Variants in DSCAM observed in about 807,000 individuals in gnomAD.
The protein encoded by DSCAM is DS cell adhesion molecule, also known as cell adhesion molecule DSCAM.
In DSCAM, 47 loss-of-function variants were observed where a neutral mutation model predicts 217.7. The ratio of observed to expected loss-of-function variants is 0.22; its 90% confidence interval spans 0.17 to 0.28. DSCAM has a LOEUF of 0.28. Ranked by LOEUF, DSCAM falls within the 10% of genes least tolerant of loss-of-function variation. The pLI is 1.00. For missense variants in DSCAM, 2,080 were observed against 2,618.3 expected (o/e 0.79, Z 4.49); for synonymous variants, 1,056 against 1,015.3 (o/e 1.04, Z -0.76).
intron 32 of DSCAM, among the ~76,000 whole-genome samples, chr21:40,041,016 GC>G (rs1221126298): frequency 6.6e-5 from 10 of 152,112 alleles, no homozygotes; most frequent in African/African-American, 2.4e-4. Context: ...AATAAAGGAA[GC>G]CATCATTCTT....
At chr21:40,659,325 T>A (rs139867349) in intron 3 of DSCAM, among the ~76,000 whole-genome samples, 6 of 152,202 alleles carry the variant, frequency 3.9e-5, no homozygotes, top group Non-Finnish European at 5.9e-5. Flanking sequence ...AAACATCCTC[T>A]GTTCACACCT....
intron 3 of DSCAM, among the ~76,000 whole-genome samples, chr21:40,595,516 G>C (rs73368905): frequency 0.035 from 5,234 of 149,486 alleles, 247 homozygotes; most frequent in African/African-American, 0.11. Flanking sequence ...TCGAAGGTGT[G>C]CAAAAGACTC....
intron 11 of DSCAM, among the ~76,000 whole-genome samples, chr21:40,258,098 A>T (rs2073398770): frequency 6.6e-6 from 1 of 152,242 alleles, no homozygotes; most frequent in Admixed American, 6.5e-5. Context: ...TGAGCCACAG[A>T]AAACATGGCA....
In DSCAM at chr21:40,075,133, T is replaced by A; in HGVS notation, c.4792A>T (p.Thr1598Ser). 1 of 1,614,184 alleles carries A rather than the reference T, an allele frequency of 6.2e-7. No individual in the cohort carries two copies. Among genetic ancestry groups the A allele is most frequent in the Middle Eastern group, 1.6e-4 (1 of 6,062 alleles). ...TTNEGLKMLV[T>S]ISCILVGVLL... ...ACCCCCACCAGGATACAGGAGATGG[T>A]CACCAGCATCTTGAGCCCCTCGTTG... The change falls in exon 27 of 33, where the codon ACC becomes TCC. Residue 1598 changes from threonine to serine, a missense_variant. Physicochemically the swap from Thr to Ser is moderately conservative, Grantham distance 58 (BLOSUM62 1). Transcript: ENST00000400454.
chr21:40,490,420 T>C (rs897780312), intron 3 of DSCAM, among the ~76,000 whole-genome samples: 1 of 152,236 alleles, frequency 6.6e-6, no homozygotes, highest in African/African-American at 2.4e-5. Context: ...GTTCACACAG[T>C]ATATTTTCAT....
intron 3 of DSCAM, among the ~76,000 whole-genome samples, chr21:40,590,250 T>C (rs190442656): frequency 1.3e-5 from 2 of 152,374 alleles, no homozygotes; most frequent in Admixed American, 6.5e-5. Context: ...TAACATGATA[T>C]GGACAATGGC....
intron 11 of DSCAM, among the ~76,000 whole-genome samples, chr21:40,203,968 T>C (rs1300119487): frequency 6.6e-6 from 1 of 152,224 alleles, no homozygotes; most frequent in Admixed American, 6.5e-5. Context: ...AAATGAAATA[T>C]TAATGAATTT....
intron 3 of DSCAM, chr21:40,630,632 A>G (rs1269508996): frequency 6.6e-6 from 1 of 152,124 alleles, no homozygotes; most frequent in Non-Finnish European, 1.5e-5. Flanking sequence ...AAATAAATAA[A>G]AGTTCAGTGT....
rs78097432 is a variant in DSCAM, at chr21:40,801,052, A to C, written c.43+45567T>G. ...CTGCAACCTCCGCCTTCAGATTTCA[A>C]GTGATTCTCCTGCCTCAGCCTCCCA... On this transcript the variant is annotated intron_variant, in intron 1 of 32. Coordinates refer to ENST00000400454, the MANE Select transcript of DSCAM (RefSeq NM_001389.5). Among the ~76,000 whole-genome samples the C allele has an allele frequency of 8.4e-3, 1,278 of 151,490 alleles. 84 individuals are homozygous for C. In the East Asian group the frequency reaches 0.18, roughly 21 times the overall value.
At chr21:40,577,206 T>C (rs2076858451) in intron 3 of DSCAM, among the ~76,000 whole-genome samples, 1 of 150,956 alleles carries the variant, frequency 6.6e-6, no homozygotes, top group Non-Finnish European at 1.5e-5. Context: ...ATGGAGAAAT[T>C]TGAAAATATA....
chr21:40,114,607 A>G (rs1435384370), intron 20 of DSCAM, among the ~76,000 whole-genome samples: 1 of 152,194 alleles, frequency 6.6e-6, no homozygotes, highest in East Asian at 1.9e-4. Flanking sequence ...AAAAGAGACT[A>G]CCATCAGCGT....
intron 3 of DSCAM, among the ~76,000 whole-genome samples, chr21:40,385,573 C>T (rs894816096): frequency 1.3e-5 from 2 of 152,152 alleles, no homozygotes; most frequent in Non-Finnish European, 2.9e-5. Context: ...ATATGTATTG[C>T]ATTGACAGAA....
chr21:40,582,391 T>G (rs1167027542), intron 3 of DSCAM, among the ~76,000 whole-genome samples: 1 of 152,090 alleles, frequency 6.6e-6, no homozygotes, highest in Non-Finnish European at 1.5e-5. Context: ...AATATACAAA[T>G]AAACACATAC....
chr21:40,139,961 G>T (rs553227660), intron 18 of DSCAM, among the ~76,000 whole-genome samples: 8 of 150,398 alleles, frequency 5.3e-5, no homozygotes, highest in Admixed American at 1.3e-4. Context: ...ATGTTTGTGA[G>T]GTGTGTGTGT....
At chr21:40,259,276 C>CTCTT (rs60746502) in intron 11 of DSCAM, among the ~76,000 whole-genome samples, 6,210 of 119,712 alleles carry the variant, frequency 0.052, 454 homozygotes, top group African/African-American at 0.19. Flanking sequence ...TTAATGAACT[C>CTCTT]TTTTTTTTTT....
At chr21:40,292,177 T>C (rs2123434073) in intron 10 of DSCAM, among the ~76,000 whole-genome samples, 1 of 143,880 alleles carries the variant, frequency 7.0e-6, no homozygotes, top group Non-Finnish European at 1.5e-5. Flanking sequence ...AGGTCAAAAA[T>C]GTAATGACTT....
intron 3 of DSCAM, among the ~76,000 whole-genome samples, chr21:40,557,269 A>G (rs1362644728): frequency 6.6e-6 from 1 of 152,146 alleles, no homozygotes; most frequent in Admixed American, 6.5e-5. Context: ...GCCCTCCCTC[A>G]GGTGTGCATT....
chr21:40,112,972 A>C (rs1267074494), intron 20 of DSCAM, among the ~76,000 whole-genome samples: 1 of 152,222 alleles, frequency 6.6e-6, no homozygotes, highest in Non-Finnish European at 1.5e-5. Context: ...TTCACAGCCA[A>C]ATTCTACCAG....
At chr21:40,041,908 C>T (rs2088758104) in intron 32 of DSCAM, among the ~76,000 whole-genome samples, 1 of 152,184 alleles carries the variant, frequency 6.6e-6, no homozygotes, top group Admixed American at 6.5e-5. Flanking sequence ...TTCTTGGGCT[C>T]TGTGACTGCT....
Sources: gnomAD v4.1 joint callset for allele counts (sites outside exome capture counted in the v4.1 genomes callset) on GRCh38, gnomAD v4.1.1 for gene constraint, MANE v1.5 for transcripts, NCBI Gene and HGNC (gene_info 2026-07-23, HGNC 2026-07-21) for gene names.